The following LRRC37A2 variants were observed in gnomAD, a reference collection of about 807,000 sequenced individuals.
LRRC37A2 encodes the protein leucine rich repeat containing 37 member A2.
Under a neutral mutation model 68.8 loss-of-function variants are expected in LRRC37A2, and 9 were observed. The observed-to-expected ratio is 0.13, with a 90% CI of 0.08 to 0.23. LRRC37A2 has a LOEUF of 0.23. LRRC37A2 is among the 10% of genes least tolerant of loss of function. The pLI, the probability that LRRC37A2 is intolerant of heterozygous loss-of-function variation, is 1.00. For missense variants in LRRC37A2, 168 were observed against 950.4 expected (o/e 0.18, Z 10.82); for synonymous variants, 63 against 367.6 (o/e 0.17, Z 9.48).
the LRRC37A2 span, among the ~76,000 whole-genome samples, chr17:46,772,011 C>T: frequency 9.9e-5 from 15 of 151,380 alleles, no homozygotes; most frequent in Non-Finnish European, 1.8e-4. Context: ...CCCCGGGCTG[C>T]CCGACCCGCT....
the LRRC37A2 span, among the ~76,000 whole-genome samples, chr17:46,921,725 T>C: frequency 1.3e-5 from 2 of 152,086 alleles, no homozygotes. Context: ...AACAGACACA[T>C]GAAAAAATGC....
chr17:46,847,104 G>A, the LRRC37A2 span, among the ~76,000 whole-genome samples: 1 of 152,140 alleles, frequency 6.6e-6, no homozygotes, highest in South Asian at 2.1e-4. Context: ...AAAATGCAAG[G>A]AAGATAAAAA....
At chr17:46,858,796 A>G in the LRRC37A2 span, among the ~76,000 whole-genome samples, 1 of 152,096 alleles carries the variant, frequency 6.6e-6, no homozygotes, top group Non-Finnish European at 1.5e-5. Context: ...CCTCCTGAGT[A>G]GCTGGGGCCA....
the LRRC37A2 span, among the ~76,000 whole-genome samples, chr17:46,797,581 G>A: frequency 6.6e-6 from 1 of 152,314 alleles, no homozygotes; most frequent in African/African-American, 2.4e-5. Flanking sequence ...TTGGAAAACA[G>A]TTTGGCATCA....
the LRRC37A2 span, among the ~76,000 whole-genome samples, chr17:46,788,704 A>G: frequency 6.6e-6 from 1 of 152,098 alleles, no homozygotes; most frequent in Non-Finnish European, 1.5e-5. Context: ...TTCCATGTAG[A>G]ATCTAGCACC....
At chr17:46,710,900 CT>C in the LRRC37A2 span, 1 of 1,447,068 alleles carries the variant, frequency 6.9e-7, no homozygotes, top group Non-Finnish European at 9.3e-7. Flanking sequence ...TATAACTCGT[CT>C]TTTATACTGT....
the LRRC37A2 span, chr17:47,005,779 G>C: frequency 6.6e-6 from 1 of 152,132 alleles, no homozygotes; most frequent in African/African-American, 2.4e-5. Context: ...CTTCTCCACA[G>C]ACCAGCTGGA....
the LRRC37A2 span, among the ~76,000 whole-genome samples, chr17:46,843,901 C>A: frequency 1.3e-5 from 2 of 152,182 alleles, no homozygotes; most frequent in Non-Finnish European, 1.5e-5. Context: ...GGTTTAGCAC[C>A]AGATGCTTAT....
the LRRC37A2 span, among the ~76,000 whole-genome samples, chr17:46,377,507 A>G: frequency 6.5e-4 from 21 of 32,262 alleles, no homozygotes; most frequent in African/African-American, 1.2e-3. Flanking sequence ...CATGAGTCCA[A>G]TGTATTAAGT....
At chr17:46,390,480 G>A in the LRRC37A2 span, among the ~76,000 whole-genome samples, 1 of 113,424 alleles carries the variant, frequency 8.8e-6, no homozygotes, top group African/African-American at 2.9e-5. Context: ...ACGAGGTCAG[G>A]AGATCGAGAC....
the LRRC37A2 span, chr17:46,978,818 CCCA>C: frequency 6.2e-7 from 1 of 1,609,632 alleles, no homozygotes; most frequent in Non-Finnish European, 8.5e-7. Context: ...ACCCGCGACA[CCCA>C]CAGGCTGCGC....
chr17:46,858,122 G>C, the LRRC37A2 span, among the ~76,000 whole-genome samples: 1 of 152,150 alleles, frequency 6.6e-6, no homozygotes. Flanking sequence ...TAGAGATAAG[G>C]TTTCATCATG....
chr17:46,687,111 C>G, the LRRC37A2 span, among the ~76,000 whole-genome samples: 160 of 39,970 alleles, frequency 4.0e-3, no homozygotes, highest in East Asian at 0.1. Context: ...CATCTTTCAT[C>G]TTTGTCATTT....
the LRRC37A2 span, among the ~76,000 whole-genome samples, chr17:46,956,291 T>A: frequency 7.2e-6 from 1 of 139,614 alleles, no homozygotes; most frequent in Non-Finnish European, 1.5e-5. Flanking sequence ...TTTTTTTTTT[T>A]TTTTTTTTTT....
the LRRC37A2 span, among the ~76,000 whole-genome samples, chr17:46,835,655 C>A: frequency 6.6e-6 from 1 of 152,258 alleles, no homozygotes; most frequent in Non-Finnish European, 1.5e-5. Flanking sequence ...CCTACAGTGG[C>A]CCTCAGCAGT....
At chr17:46,885,698 A>C in the LRRC37A2 span, 4 of 152,178 alleles carry the variant, frequency 2.6e-5, no homozygotes, top group Admixed American at 6.5e-5. Flanking sequence ...TGAATTTATA[A>C]ATCTTGTTCT....
At chr17:46,840,562 C>A in the LRRC37A2 span, among the ~76,000 whole-genome samples, 1 of 152,190 alleles carries the variant, frequency 6.6e-6, no homozygotes, top group Non-Finnish European at 1.5e-5. Flanking sequence ...ATTGCTAGTT[C>A]TAGATCCTTG....
the LRRC37A2 span, chr17:46,875,075 C>T: frequency 1.9e-6 from 3 of 1,613,470 alleles, no homozygotes; most frequent in Non-Finnish European, 1.7e-6. Flanking sequence ...TTCCTCCCTC[C>T]CTATGCCCCT....
chr17:46,816,115 A>ACACACACACACG, the LRRC37A2 span, among the ~76,000 whole-genome samples: 3 of 26,342 alleles, frequency 1.1e-4, no homozygotes, highest in Admixed American at 5.0e-4. Context: ...GCGCACGTAC[A>ACACACACACACG]CACACACACA....
Sources: gnomAD v4.1 joint callset for allele counts (sites outside exome capture counted in the v4.1 genomes callset) on GRCh38, gnomAD v4.1.1 for gene constraint, MANE v1.5 for transcripts, NCBI Gene and HGNC (gene_info 2026-07-23, HGNC 2026-07-21) for gene names.